Variants in IQCJ observed in about 807,000 individuals in gnomAD.
IQCJ encodes the protein IQ motif containing J, also known as IQ domain-containing protein J.
IQCJ carries 9 observed loss-of-function variants against 11.0 expected under a neutral mutation model. That is an observed-to-expected ratio of 0.82 (90% confidence interval 0.49 to 1.43). IQCJ has a LOEUF of 1.43. Among genes scored for constraint, IQCJ ranks in the 40% most tolerant of loss-of-function variants. The pLI is 0.00. For missense variants in IQCJ, 146 were observed against 133.2 expected (o/e 1.10, Z -0.47); for synonymous variants, 55 against 51.3 (o/e 1.07, Z -0.31).
intron 1 of IQCJ, among the ~76,000 whole-genome samples, chr3:159,146,421 G>A (rs1025044487): frequency 6.6e-5 from 10 of 152,160 alleles, no homozygotes; most frequent in Non-Finnish European, 1.3e-4. Context: ...GTGCCCCTTT[G>A]AAGCTTACTT....
Position 159,069,340 on chromosome 3 carries a change from A to C in IQCJ, c.-93A>C, listed in dbSNP as rs1031243283. 71 of 1,501,314 alleles carry C rather than the reference A, an allele frequency of 4.7e-5. No homozygotes were observed. The highest frequency in any genetic ancestry group is 1.8e-4 in the Middle Eastern group (1 of 5,656). The allele number at this position is 1,501,314 out of a possible 1,614,324, so 93.0% of individuals were successfully genotyped here. A position where few individuals can be genotyped will look rare whatever the true frequency, so the allele number is the denominator to read the frequency against. On this transcript the variant is annotated 5_prime_UTR_variant, in exon 1 of 4. Transcript: ENST00000397832. ...CCTCACACTCGCCTCACATTCCCCCACAGTCACATTGCGCTCTGTGATTCT... is the reference window on the plus strand; with the variant it reads ...CCTCACACTCGCCTCACATTCCCCCCCAGTCACATTGCGCTCTGTGATTCT...
At chr3:159,104,840 C>T (rs916584848) in intron 1 of IQCJ, among the ~76,000 whole-genome samples, 4 of 152,060 alleles carry the variant, frequency 2.6e-5, no homozygotes, top group South Asian at 2.1e-4. Flanking sequence ...TATGTTTAAC[C>T]GTCTGTTCTG....
intron 1 of IQCJ, among the ~76,000 whole-genome samples, chr3:159,202,300 G>T (rs1422950894): frequency 6.6e-6 from 1 of 152,206 alleles, no homozygotes; most frequent in East Asian, 1.9e-4. Flanking sequence ...GACCTGGAAA[G>T]AAGGTGAAGA....
At chr3:159,092,143 A>G (rs1717357900) in intron 1 of IQCJ, among the ~76,000 whole-genome samples, 1 of 151,810 alleles carries the variant, frequency 6.6e-6, no homozygotes, top group Admixed American at 6.6e-5. Flanking sequence ...TCCACTTGAC[A>G]TTATCTGCTT....
intron 1 of IQCJ, among the ~76,000 whole-genome samples, chr3:159,136,167 T>C (rs940846039): frequency 1.3e-5 from 2 of 152,202 alleles, no homozygotes; most frequent in Non-Finnish European, 2.9e-5. Flanking sequence ...TGTGACCTTT[T>C]ATCAGAATGA....
intron 1 of IQCJ, among the ~76,000 whole-genome samples, chr3:159,114,730 G>T (rs559416854): frequency 2.0e-5 from 3 of 152,132 alleles, no homozygotes; most frequent in Non-Finnish European, 4.4e-5. Flanking sequence ...AGTGCTCTGC[G>T]CATCTGCCAC....
intron 1 of IQCJ, among the ~76,000 whole-genome samples, chr3:159,157,835 C>A (rs1232278877): frequency 1.3e-5 from 2 of 152,176 alleles, no homozygotes; most frequent in Non-Finnish European, 2.9e-5. Flanking sequence ...ATGTTATTTT[C>A]TCATATAACA....
chr3:159,133,305 A>G (rs1720101999), intron 1 of IQCJ, among the ~76,000 whole-genome samples: 1 of 152,210 alleles, frequency 6.6e-6, no homozygotes, highest in African/African-American at 2.4e-5. Flanking sequence ...TAAAAATAAC[A>G]TTGTGTCAGC....
intron 1 of IQCJ, among the ~76,000 whole-genome samples, chr3:159,228,158 A>G (rs1725969525): frequency 1.3e-5 from 2 of 152,234 alleles, no homozygotes; most frequent in Admixed American, 1.3e-4. Flanking sequence ...GTTTTTAGAT[A>G]ACAGTTGTGT....
At chr3:159,167,274 G>C (rs1438466515) in intron 1 of IQCJ, among the ~76,000 whole-genome samples, 2 of 152,074 alleles carry the variant, frequency 1.3e-5, no homozygotes, top group Non-Finnish European at 2.9e-5. Flanking sequence ...CCTCCCTATA[G>C]CAACACTATT....
At chr3:159,091,207 C>T (rs777442736) in intron 1 of IQCJ, among the ~76,000 whole-genome samples, 1 of 151,658 alleles carries the variant, frequency 6.6e-6, no homozygotes, top group Non-Finnish European at 1.5e-5. Context: ...AGGTGTAGGG[C>T]AGAGACAATA....
At chr3:159,089,970 C>T (rs1366729331) in intron 1 of IQCJ, among the ~76,000 whole-genome samples, 1 of 151,922 alleles carries the variant, frequency 6.6e-6, no homozygotes, top group Non-Finnish European at 1.5e-5. Context: ...TGAGGAACTG[C>T]ATTCCTTTGG....
intron 1 of IQCJ, among the ~76,000 whole-genome samples, chr3:159,232,674 G>A (rs528180200): frequency 6.6e-6 from 1 of 152,184 alleles, no homozygotes; most frequent in Non-Finnish European, 1.5e-5. Flanking sequence ...AGTGCTATGT[G>A]GTGCTGAGAA....
chr3:159,074,229 T>G (rs181634679), intron 1 of IQCJ, among the ~76,000 whole-genome samples: 30 of 151,834 alleles, frequency 2.0e-4, no homozygotes, highest in African/African-American at 7.0e-4. Context: ...CAATCAGGAG[T>G]CAGGGAGACC....
intron 1 of IQCJ, among the ~76,000 whole-genome samples, chr3:159,224,835 C>A (rs1029495210): frequency 6.6e-6 from 1 of 152,134 alleles, no homozygotes; most frequent in Non-Finnish European, 1.5e-5. Context: ...AAGGGAGAAT[C>A]TGTACATTTA....
rs1274646007 is a variant in IQCJ, at chr3:159,095,564, T to A, written c.9+26123T>A. The stretch of plus-strand genomic sequence containing the variant: ...AGAGTGTGATATTCCCCTTCCTGTG[T>A]CCATGTGATCTCATTGTTCAATTCC... On this transcript the variant is annotated intron_variant, in intron 1 of 3. Coordinates refer to ENST00000397832, the MANE Select transcript of IQCJ (RefSeq NM_001042706.3). Among the ~76,000 whole-genome samples, 166 of 114,968 alleles carry A rather than the reference T, an allele frequency of 1.4e-3. 3 individuals carry two copies. The highest frequency in any genetic ancestry group is 5.6e-3 in the African/African-American group (162 of 28,756). The allele number at this position is 114,968 out of a possible 152,430, so 75.4% of individuals were successfully genotyped here. A position where few individuals can be genotyped will look rare whatever the true frequency, so the allele number is the denominator to read the frequency against.
At chr3:159,156,140 A>T (rs74956728) in intron 1 of IQCJ, among the ~76,000 whole-genome samples, 2 of 152,206 alleles carry the variant, frequency 1.3e-5, no homozygotes, top group Non-Finnish European at 2.9e-5. Context: ...TCTAATCCCT[A>T]CATGTTTTCA....
intron 1 of IQCJ, among the ~76,000 whole-genome samples, chr3:159,110,799 G>A (rs1226910393): frequency 6.6e-6 from 1 of 152,156 alleles, no homozygotes; most frequent in African/African-American, 2.4e-5. Flanking sequence ...GAGAATCGGG[G>A]ATGTTTAACA....
chr3:159,139,624 T>C (rs1314152586), intron 1 of IQCJ, among the ~76,000 whole-genome samples: 3 of 152,196 alleles, frequency 2.0e-5, no homozygotes, highest in Non-Finnish European at 4.4e-5. Context: ...GCTGTTACTG[T>C]GAAGACCAGC....
Sources: allele counts gnomAD v4.1 joint callset (sites outside exome capture counted in the v4.1 genomes callset), GRCh38; gene constraint gnomAD v4.1.1; transcripts MANE v1.5; gene names NCBI Gene and HGNC (gene_info 2026-07-23, HGNC 2026-07-21).